HEATR5A: variants seen among roughly 807,000 people sequenced by gnomAD.
HEATR5A encodes HEAT repeat-containing protein 5A.
HEATR5A carries 178 observed loss-of-function variants against 218.8 expected under a neutral mutation model. The ratio of observed to expected loss-of-function variants is 0.81; its 90% confidence interval spans 0.72 to 0.92. The LOEUF (loss-of-function observed/expected upper bound fraction) is 0.92. HEATR5A is among the 40% of genes least tolerant of loss of function. The probability of loss-of-function intolerance (pLI) is 0.00; values close to 1 mark genes in which losing one functional copy is unlikely to be tolerated. For missense variants in HEATR5A, 2,420 were observed against 2,418.9 expected (o/e 1.00, Z -0.01); for synonymous variants, 864 against 871.6 (o/e 0.99, Z 0.15).
In HEATR5A at chr14:31,291,826, A is replaced by G. The variant is rs1389657701; in HGVS notation, c.*1479T>C. 6.6e-6 allele frequency: 1 copy of G among 152,240 alleles called. No individual in the cohort carries two copies. The highest frequency in any genetic ancestry group is 2.4e-5 in the African/African-American group (1 of 41,462). The allele number at this position is 152,240 out of a possible 1,614,324, so 9.4% of individuals were successfully genotyped here. A position where few individuals can be genotyped will look rare whatever the true frequency, so the allele number is the denominator to read the frequency against. ...TAGCTTTATTTATGTAATTTAGAAA[A>G]AATGATTGTAGTGTTAGAGTTTGTC... On this transcript the variant is annotated 3_prime_UTR_variant, in exon 36 of 36. Coordinates refer to ENST00000543095, the MANE Select transcript of HEATR5A (RefSeq NM_015473.4).
chr14:31,351,040 C>A (rs1335934997), intron 16 of HEATR5A, among the ~76,000 whole-genome samples: 1 of 152,196 alleles, frequency 6.6e-6, no homozygotes, highest in Non-Finnish European at 1.5e-5. Flanking sequence ...CTTGGCCTCC[C>A]AAAGTGCTGG....
In HEATR5A at chr14:31,345,210, C is replaced by T; in HGVS notation, c.2935G>A (p.Glu979Lys). ...SAGPLYYVHV[E>K]PTLSLIIMLL... is the part of the protein sequence containing the mutation. The stretch of plus-strand genomic sequence containing the variant: ...ATTATAATAAGAGAAAGGGTAGGTT[C>T]CACATGCACATAATAGAGTGGGCCA... Residue 979 changes from glutamate (E) to lysine (K), a missense_variant, in exon 20 of 36, where the codon GAA (glutamate) becomes AAA (lysine). Glu to Lys is a moderately conservative substitution (Grantham distance 56). Transcript: ENST00000543095. The T allele has an allele frequency of 6.2e-7, 1 of 1,613,496 alleles. No homozygotes were observed. The highest frequency in any genetic ancestry group is 8.5e-7 in the Non-Finnish European group (1 of 1,179,526).
intron 21 of HEATR5A, 145 bp downstream of exon 21, chr14:31,343,751 G>A (rs1242475389): frequency 1.6e-5 from 9 of 573,176 alleles, no homozygotes; most frequent in Non-Finnish European, 1.6e-5. Context: ...CCCTACTCCC[G>A]AAAAAGACTA....
At chr14:31,326,507 G>C (rs1900270706) in intron 22 of HEATR5A, among the ~76,000 whole-genome samples, 165 bp from the exon 23 acceptor site, 1 of 152,074 alleles carries the variant, frequency 6.6e-6, no homozygotes, top group Non-Finnish European at 1.5e-5. Flanking sequence ...GTTCACACTT[G>C]AATTTTGGGA....
chr14:31,347,833 C>T lies in HEATR5A; in HGVS notation c.2783G>A (p.Gly928Glu). 1 of 1,601,596 alleles carries T rather than the reference C, an allele frequency of 6.2e-7. No individual in the cohort carries two copies. The highest frequency in any genetic ancestry group is 1.3e-5 in the African/African-American group (1 of 74,774). ...TAGGTGTTGAGAAGAACTTATTCCT[C>T]CTAAATACCTATGTAGGGACCCCAA... ...LALGSLHRYLGGISSSQHLNS... is the reference protein window; with the variant it reads ...LALGSLHRYLEGISSSQHLNS... Residue 928 changes from glycine to glutamate, a missense_variant, in exon 19 of 36, where the codon GGA becomes GAA. Transcript: ENST00000543095.
intron 16 of HEATR5A, 34 bp downstream of exon 16, chr14:31,358,603 A>G: frequency 6.3e-7 from 1 of 1,580,974 alleles, no homozygotes; most frequent in Non-Finnish European, 8.6e-7. Flanking sequence ...CCAGTTCTCT[A>G]TTATCCATTC....
chr14:31,346,290 T>C (rs1408186763), intron 19 of HEATR5A, among the ~76,000 whole-genome samples: 4 of 152,106 alleles, frequency 2.6e-5, no homozygotes, highest in Non-Finnish European at 5.9e-5. Context: ...AATAGACTTC[T>C]TGAAGAGAGA....
intron 26 of HEATR5A, among the ~76,000 whole-genome samples, chr14:31,317,470 C>T (rs1566751762): frequency 6.6e-6 from 1 of 151,922 alleles, no homozygotes; most frequent in East Asian, 1.9e-4. Context: ...CCACGCCTAG[C>T]TATTTTTAGT....
chr14:31,373,704 A>C (rs1468756909), intron 12 of HEATR5A, among the ~76,000 whole-genome samples: 1 of 152,140 alleles, frequency 6.6e-6, no homozygotes, highest in East Asian at 1.9e-4. Context: ...TGAACAACAC[A>C]AATGTGAACT....
chr14:31,326,484 G>T, intron 22 of HEATR5A, 142 bp from the exon 23 acceptor site: 1 of 636,278 alleles, frequency 1.6e-6, no homozygotes, highest in South Asian at 2.1e-5. Context: ...TTAATCTACT[G>T]AGATCCATTT....
chr14:31,320,131 C>T (rs902603237), intron 25 of HEATR5A: 9 of 251,530 alleles, frequency 3.6e-5, no homozygotes, highest in Non-Finnish European at 5.5e-5. Context: ...TTTAGAGAAA[C>T]GTTGTGTTTA....
chr14:31,381,104 C>T (rs962501938), intron 10 of HEATR5A, among the ~76,000 whole-genome samples: 2 of 151,988 alleles, frequency 1.3e-5, no homozygotes, highest in African/African-American at 2.4e-5. Context: ...AAAAATTAGC[C>T]GGGCGTGGTG....
intron 22 of HEATR5A, among the ~76,000 whole-genome samples, chr14:31,331,045 G>A (rs187739523): frequency 1.8e-3 from 264 of 144,074 alleles, no homozygotes; most frequent in African/African-American, 6.0e-3. Context: ...GGGTTCAAAC[G>A]ATTCTCCTGC....
chr14:31,340,319 T>C lies in HEATR5A; in HGVS notation c.3229-2705A>G, dbSNP rs535195003. ...ACACCACGAAACATGCTACACATACTGGACTTAGCATTAATGGTTCGCTTA... is the reference window on the plus strand; with the variant it reads ...ACACCACGAAACATGCTACACATACCGGACTTAGCATTAATGGTTCGCTTA... On this transcript the variant is annotated intron_variant, in intron 21 of 35. Coordinates refer to ENST00000543095, the MANE Select transcript of HEATR5A (RefSeq NM_015473.4). 64 of 426,476 alleles carry C rather than the reference T, an allele frequency of 1.5e-4. 1 individual carries two copies. Among genetic ancestry groups the C allele is most frequent in the South Asian group, 1.2e-3 (62 of 50,802 alleles). The allele number at this position is 426,476 out of a possible 1,614,324, so 26.4% of individuals were successfully genotyped here. A position where few individuals can be genotyped will look rare whatever the true frequency, so the allele number is the denominator to read the frequency against.
intron 34 of HEATR5A, among the ~76,000 whole-genome samples, chr14:31,295,142 C>G (rs1303086227): frequency 6.6e-6 from 1 of 151,998 alleles, no homozygotes; most frequent in Non-Finnish European, 1.5e-5. Context: ...AAAAATAGGA[C>G]ATTACTCAAG....
chr14:31,397,822 A>G (rs1218320722), intron 4 of HEATR5A, among the ~76,000 whole-genome samples: 1 of 152,070 alleles, frequency 6.6e-6, no homozygotes, highest in Non-Finnish European at 1.5e-5. Flanking sequence ...CCATACCCCA[A>G]CTAATTTATG....
chr14:31,371,892 A>G lies in HEATR5A; in HGVS notation c.1879T>C (p.Ser627Pro). 1 of 1,536,228 alleles carries G rather than the reference A, an allele frequency of 6.5e-7. No individual in the cohort carries two copies. The highest frequency in any genetic ancestry group is 8.8e-7 in the Non-Finnish European group (1 of 1,136,140). Residue 627 changes from serine (S) to proline (P), a missense_variant, in exon 13 of 36, where the codon TCC (serine) becomes CCC (proline). By Grantham distance (74) the Ser-to-Pro change is moderately conservative. Transcript: ENST00000543095. ...GALCAIKSFV[S>P]HCGDLLTEEV... The stretch of plus-strand genomic sequence containing the variant: ...TCAGTAAGAAGATCACCACAGTGGG[A>G]AACAAAGCTCTTGATAGCTGAAAAG...
intron 1 of HEATR5A, among the ~76,000 whole-genome samples, chr14:31,404,022 T>C (rs1218585743): frequency 6.6e-6 from 1 of 152,152 alleles, no homozygotes; most frequent in African/African-American, 2.4e-5. Flanking sequence ...CGAATACAGG[T>C]AGTGGGTATG....
In HEATR5A at chr14:31,388,877, C is replaced by T. The variant is rs775936804; in HGVS notation, c.901G>A (p.Val301Ile). The change falls in exon 7 of 36, where the codon GTC (valine) becomes ATC (isoleucine). Residue 301 changes from valine (V) to isoleucine (I), a missense_variant. Val to Ile is a conservative substitution (Grantham distance 29). Transcript: ENST00000543095. ...SGDMLKGTSS[V>I]SRDVRVGVTQ... is the part of the protein sequence containing the mutation. Reference sequence around the variant, plus strand: ...ACTCCAACTCGAACATCCCTACTGACTGAACTGGTTCCTTTCAGCATATCT... The same window carrying T: ...ACTCCAACTCGAACATCCCTACTGATTGAACTGGTTCCTTTCAGCATATCT... 1.9e-6 allele frequency: 3 copies of T among 1,613,898 alleles called. No individual in the cohort carries two copies. Among genetic ancestry groups the T allele is most frequent in the African/African-American group, 1.3e-5 (1 of 75,034 alleles).
Sources: gnomAD v4.1 joint callset for allele counts (sites outside exome capture counted in the v4.1 genomes callset) on GRCh38, gnomAD v4.1.1 for gene constraint, MANE v1.5 for transcripts, NCBI Gene and HGNC (gene_info 2026-07-23, HGNC 2026-07-21) for gene names.